Variants in HBS1L observed in about 807,000 individuals in gnomAD.
HBS1L encodes the protein HBS1-like protein.
HBS1L carries 55 observed loss-of-function variants against 88.9 expected under a neutral mutation model. The observed-to-expected ratio is 0.62, with a 90% CI of 0.50 to 0.77. HBS1L has a LOEUF of 0.77. HBS1L is among the 30% of genes least tolerant of loss of function. The probability of loss-of-function intolerance (pLI) is 0.00; values close to 1 mark genes in which losing one functional copy is unlikely to be tolerated. For synonymous variants in HBS1L, 267 were observed against 288.5 expected (o/e 0.93, Z 0.76); for missense variants, 741 against 829.3 (o/e 0.89, Z 1.31).
In HBS1L at chr6:134,964,112, G is replaced by C. The variant is rs957502328; in HGVS notation, c.*1167C>G. On this transcript the variant is annotated 3_prime_UTR_variant, in exon 18 of 18. Coordinates refer to ENST00000367837, the MANE Select transcript of HBS1L (RefSeq NM_006620.4). ...GTTATTGCTTATGTTCAAAATGTCA[G>C]GTTCACGAAAAGGTGCAGGGAGAAG... The C allele has an allele frequency of 6.6e-6, 1 of 152,032 alleles. No individual in the cohort carries two copies. The highest frequency in any genetic ancestry group is 2.4e-5 in the African/African-American group (1 of 41,386). 9.4% of individuals were successfully genotyped at this position (152,032 alleles called of 1,614,324 possible).
intron 13 of HBS1L, among the ~76,000 whole-genome samples, chr6:134,980,304 C>A (rs1411740090): frequency 1.3e-5 from 2 of 151,892 alleles, no homozygotes; most frequent in South Asian, 2.1e-4. Flanking sequence ...GAGTTTCATG[C>A]AAAATATCAT....
chr6:134,986,722 TA>T lies in HBS1L; in HGVS notation c.1305+13del. ...TAAGGAAAGTAATAACAAATAAATC[TA>T]AAATGATCTTACCTTAAAACCTGCT... On this transcript the variant is annotated intron_variant, in intron 10 of 17. Transcript: ENST00000367837. The T allele has an allele frequency of 1.4e-6, 2 of 1,477,784 alleles. No homozygotes were observed. The highest frequency in any genetic ancestry group is 2.4e-5 in the East Asian group (1 of 41,566). 91.5% of individuals were successfully genotyped at this position (1,477,784 alleles called of 1,614,324 possible).
intron 4 of HBS1L, among the ~76,000 whole-genome samples, chr6:135,009,402 AGATTT>A (rs1211010965): frequency 2.6e-5 from 4 of 152,182 alleles, no homozygotes. Flanking sequence ...AAATGAAATG[AGATTT>A]GATTTGACTG....
chr6:134,996,771 GACT>G lies in HBS1L; in HGVS notation c.965+3_965+5del, dbSNP rs762292375. 7 of 1,577,612 alleles carry G rather than the reference GACT, an allele frequency of 4.4e-6. No individual in the cohort carries two copies. The African/African-American group carries it at 6.9e-5, about 15-fold the overall frequency. ...CAAACTGAAAATTTTGAAATATAGT[GACT>G]ACCTTTCCCTTTCTTCGCCAGTTTC... On this transcript the variant is annotated splice_donor_5th_base_variant and intron_variant, in intron 7 of 17. Transcript: ENST00000367837.
At chr6:134,965,606 C>T (rs916296326) in intron 17 of HBS1L, among the ~76,000 whole-genome samples, 1 of 152,174 alleles carries the variant, frequency 6.6e-6, no homozygotes, top group African/African-American at 2.4e-5. Flanking sequence ...GTGCTTTGCA[C>T]GTTATCATTT....
Position 134,985,382 on chromosome 6 carries a change from A to G in HBS1L, c.1451T>C (p.Ile484Thr), listed in dbSNP as rs144190026. 6.2e-6 allele frequency: 10 copies of G among 1,606,700 alleles called. No individual in the cohort carries two copies. In the East Asian group the frequency reaches 9.0e-5, roughly 14 times the overall value. The change falls in exon 12 of 18, where the codon ATT becomes ACT. Residue 484 changes from isoleucine to threonine, a missense_variant. This residue lies in a region of HBS1L where 556 missense variants were observed against 598.4 expected (regional missense o/e 0.93). Transcript: ENST00000367837. ...IDSFKPPQRS[I>T]DKPFRLCVSD... is the part of the protein sequence containing the mutation. ...CACACATAATCTAAAAGGTTTGTCA[A>G]TAGATCGCTGGGGAGGCTTAAAGGA...
chr6:134,982,773 G>C lies in HBS1L; in HGVS notation c.1493-211C>G, dbSNP rs371703934. On this transcript the variant is annotated intron_variant, in intron 12 of 17. Transcript: ENST00000367837. ...AAATAAAAATACTCATATTACCAAAGAAAGGTTCATTCCTTTCTCAAATAT... is the reference window on the plus strand; with the variant it reads ...AAATAAAAATACTCATATTACCAAACAAAGGTTCATTCCTTTCTCAAATAT... The C allele has an allele frequency of 1.2e-5, 4 of 338,274 alleles. No homozygotes were observed. In the South Asian group the frequency reaches 4.0e-4, roughly 34 times the overall value. 21.0% of individuals were successfully genotyped at this position (338,274 alleles called of 1,614,324 possible).
intron 4 of HBS1L, among the ~76,000 whole-genome samples, chr6:135,025,017 T>C (rs1776186449): frequency 6.6e-6 from 1 of 152,122 alleles, no homozygotes; most frequent in Non-Finnish European, 1.5e-5. Flanking sequence ...AAAGAAATTA[T>C]CACAAGCCTC....
At chr6:134,991,942 C>T (rs1000039300) in intron 8 of HBS1L, among the ~76,000 whole-genome samples, 1 of 152,098 alleles carries the variant, frequency 6.6e-6, no homozygotes, top group Non-Finnish European at 1.5e-5. Flanking sequence ...GTGGCACATG[C>T]CTGCAGTCCC....
At chr6:134,970,183 A>G (rs1774441932) in intron 15 of HBS1L, among the ~76,000 whole-genome samples, 1 of 152,032 alleles carries the variant, frequency 6.6e-6, no homozygotes, top group East Asian at 1.9e-4. Flanking sequence ...CCCAGGTTAG[A>G]GTGCAGTGGT....
At chr6:135,039,377 G>A (rs770741809) in intron 4 of HBS1L, among the ~76,000 whole-genome samples, 196 bp downstream of exon 4, 5 of 151,518 alleles carry the variant, frequency 3.3e-5, no homozygotes, top group Admixed American at 6.6e-5. Flanking sequence ...ACAAAAACAG[G>A]CTACAACAGA....
intron 7 of HBS1L, among the ~76,000 whole-genome samples, chr6:134,996,337 T>C (rs1471453943): frequency 6.6e-6 from 1 of 152,170 alleles, no homozygotes; most frequent in Non-Finnish European, 1.5e-5. Context: ...TTTGGTAATT[T>C]GAATTTGCTG....
At chr6:134,997,012 T>C in intron 6 of HBS1L, 70 bp from the exon 7 acceptor site, 1 of 1,119,362 alleles carries the variant, frequency 8.9e-7, no homozygotes, top group Non-Finnish European at 1.3e-6. Context: ...ATTGCATAAA[T>C]GTGTAATTCA....
chr6:135,036,966 T>G (rs577476995), intron 4 of HBS1L: 1 of 1,551,460 alleles, frequency 6.4e-7, no homozygotes, highest in Non-Finnish European at 8.7e-7. Context: ...AATCTGGGTT[T>G]TTTATAAGGA....
At chr6:134,979,140 T>G in intron 14 of HBS1L, 38 bp downstream of exon 14, 1 of 1,465,042 alleles carries the variant, frequency 6.8e-7, no homozygotes, top group Non-Finnish European at 9.6e-7. Flanking sequence ...AGGTCCTATA[T>G]GAAGACAACG....
At position 134,964,294 on chromosome 6, in the gene HBS1L, T is replaced by C. The variant is rs1583048977; in HGVS notation, c.*985A>G. The C allele has an allele frequency of 6.6e-6, 1 of 152,226 alleles. No individual in the cohort carries two copies. Among genetic ancestry groups the C allele is most frequent in the East Asian group, 1.9e-4 (1 of 5,198 alleles). 9.4% of individuals were successfully genotyped at this position (152,226 alleles called of 1,614,324 possible). ...TGCACCCAGAAGGCACCTCAACGAA[T>C]ACCTGTTGTTAAATAAATAAACCTT... On this transcript the variant is annotated 3_prime_UTR_variant, in exon 18 of 18. Transcript: ENST00000367837.
intron 4 of HBS1L, among the ~76,000 whole-genome samples, chr6:135,007,703 A>G (rs1345393122): frequency 1.3e-5 from 2 of 152,246 alleles, no homozygotes; most frequent in African/African-American, 2.4e-5. Context: ...TCATAGATCA[A>G]TAAGAGATAC....
chr6:135,042,942 T>C (rs974966636), intron 2 of HBS1L, among the ~76,000 whole-genome samples: 3 of 152,226 alleles, frequency 2.0e-5, no homozygotes, highest in Non-Finnish European at 2.9e-5. Context: ...TCACACACTT[T>C]CAATTATACA....
At chr6:134,985,301 A>AG in intron 12 of HBS1L, 40 bp downstream of exon 12, 1 of 1,324,376 alleles carries the variant, frequency 7.6e-7, no homozygotes, top group Non-Finnish European at 1.1e-6. Context: ...AATGGGGAAA[A>AG]GGGGCTATAC....
Sources: allele counts gnomAD v4.1 joint callset (sites outside exome capture counted in the v4.1 genomes callset), GRCh38; gene constraint gnomAD v4.1.1; regional missense constraint gnomAD v4.1.1; transcripts MANE v1.5; gene names NCBI Gene and HGNC (gene_info 2026-07-23, HGNC 2026-07-21).